Variants in PCDHGA1 observed in about 807,000 individuals in gnomAD.
The protein encoded by PCDHGA1 is protocadherin gamma-A1.
PCDHGA1 carries 32 observed loss-of-function variants against 58.0 expected under a neutral mutation model. The observed-to-expected ratio is 0.55, with a 90% confidence interval of 0.42 to 0.74. The LOEUF (loss-of-function observed/expected upper bound fraction) is 0.74, where lower values mean the gene tolerates loss of function less well. Ranked by LOEUF, PCDHGA1 falls within the 30% of genes least tolerant of loss-of-function variation. The pLI is 0.00. For missense variants in PCDHGA1, 1,205 were observed against 1,182.3 expected, an observed-to-expected ratio of 1.02 and a Z score of -0.28; for synonymous variants, 498 against 501.1, an observed-to-expected ratio of 0.99 and a Z score of 0.08.
chr5:141,487,475 C>A lies in PCDHGA1; in HGVS notation c.2422-7332C>A. 6.2e-7 allele frequency: 1 copy of A among 1,614,156 alleles called. No individual in the cohort carries two copies. The highest frequency in any genetic ancestry group is 8.5e-7 in the Non-Finnish European group (1 of 1,180,032). On this transcript the variant is annotated intron_variant, in intron 1 of 3. Transcript: ENST00000517417. This position sits in a 1 kb window ranked among gnomAD's most constrained non-coding sequence, Gnocchi z 5.0. ...TATCAAGTTTGTTGATGTGGGAGGC[C>A]ACTCTCATGGCTGTACACCCTTGGC...
chr5:141,414,667 G>C, intron 1 of PCDHGA1: 1 of 1,614,002 alleles, frequency 6.2e-7, no homozygotes, highest in Non-Finnish European at 8.5e-7. Flanking sequence ...CCTGGCTGAA[G>C]ACACCATCCA....
At chr5:141,459,149 T>C (rs2098961903) in intron 1 of PCDHGA1, among the ~76,000 whole-genome samples, 1 of 152,234 alleles carries the variant, frequency 6.6e-6, no homozygotes, top group Non-Finnish European at 1.5e-5. Context: ...AATCAAAATA[T>C]AGAACATTTC....
At chr5:141,389,896 C>T (rs1398944326) in intron 1 of PCDHGA1, 1 of 1,614,076 alleles carries the variant, frequency 6.2e-7, no homozygotes, top group Non-Finnish European at 8.5e-7. Flanking sequence ...GAGGTGCTGC[C>T]GGATATCACT....
chr5:141,379,340 TC>T (rs1433489240), intron 1 of PCDHGA1: 1 of 152,232 alleles, frequency 6.6e-6, no homozygotes, highest in Non-Finnish European at 1.5e-5. Flanking sequence ...TCTTCAAAGC[TC>T]ATTTTCTTGT....
At chr5:141,384,790 G>T (rs999175494) in intron 1 of PCDHGA1, 2 of 1,613,416 alleles carry the variant, frequency 1.2e-6, no homozygotes, top group African/African-American at 2.7e-5. Flanking sequence ...CACGGCTCGG[G>T]CCCTGCTGGA....
rs751302023 is a variant in PCDHGA1 at position 141,364,590 on chromosome 5, C to A, written c.2421+31485C>A. 3.1e-6 allele frequency: 5 copies of A among 1,614,196 alleles called. No homozygotes were observed. The South Asian group carries it at 3.3e-5, about 11-fold the overall frequency. ...CCGCGAAGCGGCAGCTTGGTCACCG[C>A]GGGCAGGATAGACCGGGAGGAGCTC... On this transcript the variant is annotated intron_variant, in intron 1 of 3. Coordinates refer to ENST00000517417, the MANE Select transcript of PCDHGA1 (RefSeq NM_018912.3).
chr5:141,409,990 C>A (rs377295503), intron 1 of PCDHGA1: 26 of 1,613,278 alleles, frequency 1.6e-5, no homozygotes, highest in Non-Finnish European at 2.2e-5. Flanking sequence ...CGGTGGACGC[C>A]GACTCGGGAC....
chr5:141,348,887 T>C (rs1352971089), intron 1 of PCDHGA1, among the ~76,000 whole-genome samples: 1 of 152,202 alleles, frequency 6.6e-6, no homozygotes, highest in East Asian at 1.9e-4. Context: ...GGATCTCATT[T>C]GGTAATGCAT....
intron 1 of PCDHGA1, chr5:141,375,075 C>T (rs772132262): frequency 6.2e-6 from 10 of 1,613,926 alleles, no homozygotes; most frequent in East Asian, 4.5e-5. Flanking sequence ...CGAGACAGAG[C>T]GAAAGTCTTA....
In PCDHGA1 at chr5:141,344,127, C is replaced by T. The variant is rs780910092; in HGVS notation, c.2421+11022C>T. 6 of 1,613,904 alleles carry T rather than the reference C, an allele frequency of 3.7e-6. No homozygotes were observed. The highest frequency in any genetic ancestry group is 4.5e-5 in the East Asian group (2 of 44,896). On this transcript the variant is annotated intron_variant, in intron 1 of 3. Coordinates refer to ENST00000517417, the MANE Select transcript of PCDHGA1 (RefSeq NM_018912.3). ...GTGCGAAACAGGATCCGGTCAGATCCGCTACTCGGTGTCTGAGGAGCTAGA... is the reference window on the plus strand; with the variant it reads ...GTGCGAAACAGGATCCGGTCAGATCTGCTACTCGGTGTCTGAGGAGCTAGA...
intron 1 of PCDHGA1, among the ~76,000 whole-genome samples, chr5:141,437,450 G>A (rs2097885331): frequency 6.6e-6 from 1 of 152,148 alleles, no homozygotes; most frequent in Non-Finnish European, 1.5e-5. Context: ...GAATGTTGAG[G>A]AGACTATACT....
chr5:141,473,497 C>T (rs2099323546), intron 1 of PCDHGA1, among the ~76,000 whole-genome samples: 1 of 152,106 alleles, frequency 6.6e-6, no homozygotes, highest in Non-Finnish European at 1.5e-5. Context: ...ATAAGGTGTT[C>T]TGAGAGAGCA....
chr5:141,479,636 CA>C (rs1397283180), intron 1 of PCDHGA1: 1 of 152,080 alleles, frequency 6.6e-6, no homozygotes, highest in African/African-American at 2.4e-5. Flanking sequence ...TTAACAATAA[CA>C]ACAACAACAA....
chr5:141,461,438 T>C (rs1034260263), intron 1 of PCDHGA1, among the ~76,000 whole-genome samples: 3 of 152,200 alleles, frequency 2.0e-5, no homozygotes, highest in African/African-American at 7.2e-5. Flanking sequence ...GTATACCTTC[T>C]TTTGAGAAAT....
chr5:141,352,874 G>T (rs1015374463), intron 1 of PCDHGA1, among the ~76,000 whole-genome samples: 1 of 152,146 alleles, frequency 6.6e-6, no homozygotes, highest in Non-Finnish European at 1.5e-5. Context: ...TGTAGTCCCA[G>T]TTACTCAGGA....
At chr5:141,345,233 A>C in intron 1 of PCDHGA1, 1 of 1,613,968 alleles carries the variant, frequency 6.2e-7, no homozygotes, top group African/African-American at 1.3e-5. Flanking sequence ...CAATAGATCA[A>C]TATTACCGCT....
intron 1 of PCDHGA1, chr5:141,383,379 A>G: frequency 6.2e-7 from 1 of 1,614,052 alleles, no homozygotes; most frequent in Non-Finnish European, 8.5e-7. Context: ...CTGGGGATCC[A>G]GATGTGGGCA....
intron 1 of PCDHGA1, chr5:141,376,025 G>A (rs1561571387): frequency 6.2e-7 from 1 of 1,613,266 alleles, no homozygotes; most frequent in East Asian, 2.2e-5. Flanking sequence ...GGCCGTCCAG[G>A]ACCACGGCCA....
chr5:141,384,138 AAC>A (rs758587148), intron 1 of PCDHGA1: 5 of 1,612,622 alleles, frequency 3.1e-6, no homozygotes, highest in Non-Finnish European at 4.2e-6. Flanking sequence ...TGGACCGGGA[AAC>A]ACTCTCTTTG....
Sources: gnomAD v4.1 joint callset for allele counts (sites outside exome capture counted in the v4.1 genomes callset) on GRCh38, gnomAD v4.1.1 for gene constraint, Gnocchi (gnomAD v3.1) non-coding constraint, MANE v1.5 for transcripts, NCBI Gene and HGNC (gene_info 2026-07-23, HGNC 2026-07-21) for gene names.